Variants in TNNI3K observed in about 807,000 individuals in gnomAD.
TNNI3K encodes serine/threonine-protein kinase TNNI3K.
Under a neutral mutation model 114.5 loss-of-function variants are expected in TNNI3K, and 140 were observed. The observed-to-expected ratio is 1.22, with a 90% CI of 1.07 to 1.41. TNNI3K has a LOEUF of 1.41. Ranked by LOEUF, TNNI3K falls within the 40% of genes most tolerant of loss-of-function variation. TNNI3K has a pLI of 0.00. For missense variants in TNNI3K, 1,125 were observed against 1,007.6 expected, an observed-to-expected ratio of 1.12 and a Z score of -1.58; for synonymous variants, 347 against 347.5, an observed-to-expected ratio of 1.00 and a Z score of 0.02.
At chr1:74,268,443 G>A (rs989728305) in intron 4 of TNNI3K, among the ~76,000 whole-genome samples, 33 of 151,862 alleles carry the variant, frequency 2.2e-4, no homozygotes, top group South Asian at 4.2e-4. Context: ...ACGTTTTCTC[G>A]CTTCCAGTAC....
chr1:74,346,623 C>T (rs1661011388), intron 9 of TNNI3K, among the ~76,000 whole-genome samples: 1 of 150,284 alleles, frequency 6.7e-6, no homozygotes, highest in East Asian at 1.9e-4. Context: ...CTCCTCCCTT[C>T]TCTGTTTCTT....
chr1:74,474,074 T>C (rs184484696), intron 21 of TNNI3K, among the ~76,000 whole-genome samples: 427 of 152,272 alleles, frequency 2.8e-3, no homozygotes, highest in Non-Finnish European at 3.6e-3. Context: ...TTCTTAAAAG[T>C]ATTCATGTTA....
intron 17 of TNNI3K, chr1:74,370,855 A>G (rs1662557796): frequency 6.6e-6 from 1 of 152,010 alleles, no homozygotes; most frequent in Non-Finnish European, 1.5e-5. Flanking sequence ...CATGTGAAAC[A>G]AATATAAAAT....
intron 17 of TNNI3K, chr1:74,377,055 A>G (rs1463414367): frequency 2.0e-5 from 3 of 152,040 alleles, no homozygotes; most frequent in African/African-American, 7.2e-5. Context: ...GGGCCTACGT[A>G]TCATATTTGG....
intron 23 of TNNI3K, among the ~76,000 whole-genome samples, chr1:74,501,149 T>A (rs1328564133): frequency 6.6e-6 from 1 of 152,186 alleles, no homozygotes. Flanking sequence ...CAATCTCTTT[T>A]TAAAAAATAT....
At chr1:74,493,717 A>G (rs1669190417) in intron 23 of TNNI3K, among the ~76,000 whole-genome samples, 2 of 152,304 alleles carry the variant, frequency 1.3e-5, no homozygotes, top group South Asian at 4.1e-4. Flanking sequence ...ACCTCCTTGG[A>G]CACCCACATA....
intron 23 of TNNI3K, among the ~76,000 whole-genome samples, chr1:74,500,603 C>CAAAAAAAAAA (rs561290319): frequency 4.6e-5 from 2 of 43,244 alleles, no homozygotes; most frequent in Non-Finnish European, 8.6e-5. Flanking sequence ...GACTCCGTCT[C>CAAAAAAAAAA]AAAAAAAAAA....
At chr1:74,263,802 A>G (rs1655811592) in intron 4 of TNNI3K, among the ~76,000 whole-genome samples, 2 of 152,034 alleles carry the variant, frequency 1.3e-5, no homozygotes, top group Admixed American at 1.3e-4. Flanking sequence ...AATAAACATA[A>G]AAGTTCAGAG....
intron 17 of TNNI3K, among the ~76,000 whole-genome samples, chr1:74,394,576 A>G (rs1483379770): frequency 6.6e-6 from 1 of 152,102 alleles, no homozygotes; most frequent in African/African-American, 2.4e-5. Flanking sequence ...CACCCAAACC[A>G]AAGAAGTTTA....
chr1:74,250,026 G>C (rs1338255110), intron 3 of TNNI3K, among the ~76,000 whole-genome samples: 2 of 152,302 alleles, frequency 1.3e-5, no homozygotes, highest in Non-Finnish European at 1.5e-5. Context: ...TGTATCTCAA[G>C]TAATTTGAAT....
At chr1:74,376,996 G>A (rs1328434799) in intron 17 of TNNI3K, 1 of 152,014 alleles carries the variant, frequency 6.6e-6, no homozygotes, top group African/African-American at 2.4e-5. Flanking sequence ...GTATCTAAGA[G>A]AACTTTAAGA....
intron 2 of TNNI3K, among the ~76,000 whole-genome samples, chr1:74,236,791 A>C (rs17094999): frequency 0.013 from 1,991 of 151,934 alleles, 42 homozygotes; most frequent in African/African-American, 0.046. Context: ...CAACCTTGGA[A>C]GACACAAAAT....
chr1:74,496,687 C>A (rs1669344372), intron 23 of TNNI3K, among the ~76,000 whole-genome samples: 1 of 151,982 alleles, frequency 6.6e-6, no homozygotes, highest in African/African-American at 2.4e-5. Flanking sequence ...AATAGGAATT[C>A]CCTAATTCCT....
chr1:74,282,468 T>G (rs964347092), intron 5 of TNNI3K, among the ~76,000 whole-genome samples: 5 of 151,800 alleles, frequency 3.3e-5, no homozygotes, highest in African/African-American at 9.7e-5. Flanking sequence ...GGCAGCTTGG[T>G]CTCTGTGTTC....
intron 23 of TNNI3K, among the ~76,000 whole-genome samples, chr1:74,493,904 G>C (rs1419162210): frequency 1.3e-5 from 2 of 152,178 alleles, no homozygotes; most frequent in Non-Finnish European, 2.9e-5. Flanking sequence ...AAATATACTT[G>C]ATTTTTAGTG....
intron 17 of TNNI3K, among the ~76,000 whole-genome samples, chr1:74,380,491 C>T (rs924488100): frequency 6.6e-6 from 1 of 152,126 alleles, no homozygotes; most frequent in Non-Finnish European, 1.5e-5. Flanking sequence ...CCCGCACCCA[C>T]AGACTGAGCG....
intron 11 of TNNI3K, among the ~76,000 whole-genome samples, chr1:74,363,411 G>C (rs1350867556): frequency 6.6e-6 from 1 of 152,026 alleles, no homozygotes. Flanking sequence ...TCATCAGCCA[G>C]AACCCAGGCA....
chr1:74,376,358 C>T (rs1294803456), intron 17 of TNNI3K, among the ~76,000 whole-genome samples: 2 of 151,576 alleles, frequency 1.3e-5, no homozygotes, highest in African/African-American at 4.8e-5. Context: ...TTATAGAGTC[C>T]CTCTCCCAGC....
At chr1:74,480,075 G>A (rs914018473) in intron 21 of TNNI3K, 2 of 632,156 alleles carry the variant, frequency 3.2e-6, no homozygotes, top group Non-Finnish European at 5.8e-6. Flanking sequence ...AAGTGTCTGA[G>A]ATAAGCATCA....
Sources: allele counts gnomAD v4.1 joint callset (sites outside exome capture counted in the v4.1 genomes callset), GRCh38; gene constraint gnomAD v4.1.1; transcripts MANE v1.5; gene names NCBI Gene and HGNC (gene_info 2026-07-23, HGNC 2026-07-21).